Variants in CCSER1 observed in about 807,000 individuals in gnomAD.
The protein encoded by CCSER1 is coiled-coil serine rich protein 1, also known as serine-rich coiled-coil domain-containing protein 1.
In CCSER1, 41 loss-of-function variants were observed where a neutral mutation model predicts 82.0. The observed-to-expected ratio is 0.50, with a 90% CI of 0.39 to 0.65. The LOEUF (loss-of-function observed/expected upper bound fraction) is 0.65. CCSER1 is among the 30% of genes least tolerant of loss of function. The pLI is 0.00. For synonymous variants in CCSER1, 414 were observed against 383.9 expected (o/e 1.08, Z -0.92); for missense variants, 1,119 against 1,064.2 (o/e 1.05, Z -0.72).
chr4:90,841,577 C>CAAAAAAAAA (rs750390139), intron 8 of CCSER1, among the ~76,000 whole-genome samples: 2 of 50,868 alleles, frequency 3.9e-5, no homozygotes, highest in Non-Finnish European at 8.5e-5. Context: ...GACTCTGTCT[C>CAAAAAAAAA]AAAAAAAAAA....
intron 6 of CCSER1, among the ~76,000 whole-genome samples, chr4:90,694,322 G>A (rs573650437): frequency 6.6e-6 from 1 of 152,100 alleles, no homozygotes; most frequent in South Asian, 2.1e-4. Context: ...AAGTTTTAGT[G>A]ATTAATTGAA....
intron 8 of CCSER1, among the ~76,000 whole-genome samples, chr4:90,872,449 G>T (rs1445111108): frequency 6.6e-6 from 1 of 151,794 alleles, no homozygotes; most frequent in Non-Finnish European, 1.5e-5. Context: ...ACTTAACACT[G>T]ATTGCATAAA....
chr4:90,577,178 G>T (rs751361571), intron 5 of CCSER1, among the ~76,000 whole-genome samples: 1 of 152,062 alleles, frequency 6.6e-6, no homozygotes, highest in East Asian at 1.9e-4. Context: ...TTTTGTTGAC[G>T]TATCTGTTTA....
intron 1 of CCSER1, among the ~76,000 whole-genome samples, chr4:90,173,062 T>G (rs1456719521): frequency 6.6e-6 from 1 of 151,760 alleles, no homozygotes; most frequent in African/African-American, 2.4e-5. Flanking sequence ...ATGCTGAACT[T>G]GAGCCAACTG....
intron 3 of CCSER1, among the ~76,000 whole-genome samples, chr4:90,317,142 A>C (rs894072869): frequency 6.6e-6 from 1 of 152,174 alleles, no homozygotes; most frequent in African/African-American, 2.4e-5. Context: ...AGGATTTCTC[A>C]TGGGTTCTCC....
rs369991402 is a variant in CCSER1, at chr4:90,828,281, T to C, written c.2094+12436T>C. 1.2e-4 allele frequency among the ~76,000 whole-genome samples: 19 copies of C among 152,164 alleles called. No homozygotes were observed. The South Asian group carries it at 2.7e-3, about 22-fold the overall frequency. On this transcript the variant is annotated intron_variant, in intron 8 of 10. Coordinates refer to ENST00000509176, the MANE Select transcript of CCSER1 (RefSeq NM_001145065.2). ...GAACTCTTTCAGCTGAGAAAGCAAATTTTTTAGTGACTTAAAATGTATCTT... is the reference window on the plus strand; with the variant it reads ...GAACTCTTTCAGCTGAGAAAGCAAACTTTTTAGTGACTTAAAATGTATCTT...
chr4:91,459,918 G>T (rs1756405560), intron 10 of CCSER1, among the ~76,000 whole-genome samples: 1 of 152,024 alleles, frequency 6.6e-6, no homozygotes, highest in South Asian at 2.1e-4. Context: ...CACCTTGCTT[G>T]TTATTTGAGA....
chr4:91,127,824 G>T (rs1467659204), intron 10 of CCSER1, among the ~76,000 whole-genome samples: 1 of 152,044 alleles, frequency 6.6e-6, no homozygotes, highest in Non-Finnish European at 1.5e-5. Context: ...CATGCCTACT[G>T]GGTGTAAGGC....
chr4:90,449,825 G>A (rs1473542229), intron 4 of CCSER1, among the ~76,000 whole-genome samples: 1 of 152,192 alleles, frequency 6.6e-6, no homozygotes, highest in Non-Finnish European at 1.5e-5. Flanking sequence ...TGGATGCCAG[G>A]GTCCACAGCC....
rs1277087569 is a variant in CCSER1, at chr4:90,933,010, AAGAAAG to A, written c.2172+9565_2172+9570del. On this transcript the variant is annotated intron_variant, in intron 9 of 10. Transcript: ENST00000509176. ...AAAGAAAGAAAGAAAGAAAGAAAGA[AAGAAAG>A]AAAGAAAGAAAGAAAGAAAGAAAGA... Among the ~76,000 whole-genome samples, 5 of 82,842 alleles carry A rather than the reference AAGAAAG, an allele frequency of 6.0e-5. 2 individuals carry two copies. Among genetic ancestry groups the A allele is most frequent in the Non-Finnish European group, 4.2e-5 (2 of 47,096 alleles). The allele number at this position is 82,842 out of a possible 152,430, so 54.3% of individuals were successfully genotyped here. A position where few individuals can be genotyped will look rare whatever the true frequency, so the allele number is the denominator to read the frequency against.
At chr4:91,522,024 G>A (rs903026048) in intron 10 of CCSER1, among the ~76,000 whole-genome samples, 1 of 152,074 alleles carries the variant, frequency 6.6e-6, no homozygotes, top group Admixed American at 6.6e-5. Flanking sequence ...GTCTAACATT[G>A]AAGTCTTTAA....
rs7690783 is a variant in CCSER1 at position 91,380,724 on chromosome 4, T to G, written c.2218-217848T>G. On this transcript the variant is annotated intron_variant, in intron 10 of 10. Coordinates refer to ENST00000509176, the MANE Select transcript of CCSER1 (RefSeq NM_001145065.2). ...TGATTTGCCAGTGTGTGTCTTTTAA[T>G]TGGAGCATTTAGCCCATTTACATTT... 6.9e-3 allele frequency among the ~76,000 whole-genome samples: 1,054 copies of G among 152,352 alleles called. 7 individuals are homozygous for G. The highest frequency in any genetic ancestry group is 0.024 in the African/African-American group (992 of 41,578).
At chr4:91,544,131 G>A (rs374867450) in intron 10 of CCSER1, among the ~76,000 whole-genome samples, 1 of 151,986 alleles carries the variant, frequency 6.6e-6, no homozygotes, top group Non-Finnish European at 1.5e-5. Flanking sequence ...TGTAGTTCTC[G>A]TGCAATGGTT....
At chr4:91,337,744 A>G (rs1462225591) in intron 10 of CCSER1, among the ~76,000 whole-genome samples, 1 of 152,134 alleles carries the variant, frequency 6.6e-6, no homozygotes, top group Non-Finnish European at 1.5e-5. Context: ...TTCAAGAACT[A>G]GGGATATTCT....
At chr4:90,648,086 A>C (rs887985433) in intron 6 of CCSER1, among the ~76,000 whole-genome samples, 1 of 151,932 alleles carries the variant, frequency 6.6e-6, no homozygotes, top group African/African-American at 2.4e-5. Flanking sequence ...TTTAGGTTCA[A>C]TATTAGAGTA....
chr4:90,984,957 A>G lies in CCSER1; in HGVS notation c.2172+61510A>G, dbSNP rs545042896. Among the ~76,000 whole-genome samples the G allele has an allele frequency of 5.3e-5, 8 of 151,738 alleles. No individual in the cohort carries two copies. In the East Asian group the frequency reaches 7.8e-4, roughly 15 times the overall value. On this transcript the variant is annotated intron_variant, in intron 9 of 10. Coordinates refer to ENST00000509176, the MANE Select transcript of CCSER1 (RefSeq NM_001145065.2). ...TTTCCAGACACTGCCCCCAACTTCC[A>G]TCTCCCTTGGCTAAGTGAAGCTGAA...
chr4:91,415,033 A>C (rs1036154611), intron 10 of CCSER1, among the ~76,000 whole-genome samples: 49 of 152,206 alleles, frequency 3.2e-4, no homozygotes, highest in African/African-American at 1.2e-3. Context: ...ATCCAGACAC[A>C]AAACCTATAA....
chr4:90,467,281 G>A (rs1021127215), intron 4 of CCSER1, among the ~76,000 whole-genome samples: 4 of 152,138 alleles, frequency 2.6e-5, no homozygotes, highest in African/African-American at 9.7e-5. Flanking sequence ...CTACTTGGGA[G>A]GCTGAGGTAG....
chr4:90,292,248 A>G (rs1731070806), intron 1 of CCSER1, among the ~76,000 whole-genome samples: 1 of 151,944 alleles, frequency 6.6e-6, no homozygotes, highest in African/African-American at 2.4e-5. Flanking sequence ...TATCTATGGA[A>G]TATTGATTCT....
Sources: gnomAD v4.1 joint callset for allele counts (sites outside exome capture counted in the v4.1 genomes callset) on GRCh38, gnomAD v4.1.1 for gene constraint, MANE v1.5 for transcripts, NCBI Gene and HGNC (gene_info 2026-07-23, HGNC 2026-07-21) for gene names.